SKIC8: variants seen among roughly 807,000 people sequenced by gnomAD.
The protein encoded by SKIC8 is superkiller complex protein 8.
the SKIC8 span, chr15:78,283,680 C>T: frequency 2.9e-5 from 15 of 518,422 alleles, no homozygotes; most frequent in Non-Finnish European, 4.7e-5. Context: ...TTTAACCGAG[C>T]ACCTTCCATT....
the SKIC8 span, chr15:78,285,269 G>A: frequency 6.2e-7 from 1 of 1,613,878 alleles, no homozygotes; most frequent in Non-Finnish European, 8.5e-7. Flanking sequence ...ACCTGATCCT[G>A]GTGATCAAAG....
the SKIC8 span, among the ~76,000 whole-genome samples, chr15:78,294,176 T>C: frequency 1.3e-5 from 2 of 152,224 alleles, no homozygotes; most frequent in Admixed American, 1.3e-4. Context: ...TTGACTGGCA[T>C]GCCCAATTAG....
At chr15:78,288,171 G>C in the SKIC8 span, 1 of 1,012,244 alleles carries the variant, frequency 9.9e-7, no homozygotes, top group Admixed American at 2.5e-5. Flanking sequence ...GGGGAGTCAA[G>C]GTGTCTGATG....
At chr15:78,290,179 A>G in the SKIC8 span, 41 of 1,447,782 alleles carry the variant, frequency 2.8e-5, no homozygotes, top group Non-Finnish European at 3.8e-5. Flanking sequence ...TTACCAAAGG[A>G]TACATCTTTT....
chr15:78,288,788 A>T, the SKIC8 span: 1 of 348,058 alleles, frequency 2.9e-6, no homozygotes, highest in South Asian at 2.2e-5. Flanking sequence ...AATTCACTTG[A>T]TTAGAATTCA....
At chr15:78,286,265 T>A in the SKIC8 span, 1 of 691,086 alleles carries the variant, frequency 1.4e-6, no homozygotes, top group Non-Finnish European at 2.4e-6. Context: ...CCATGAATAC[T>A]ATATCAAAAA....
the SKIC8 span, chr15:78,292,619 G>C: frequency 6.2e-7 from 1 of 1,614,096 alleles, no homozygotes; most frequent in South Asian, 1.1e-5. Flanking sequence ...CTCTTACCAG[G>C]TCCTGCATCT....
At chr15:78,292,479 T>G in the SKIC8 span, 1 of 922,124 alleles carries the variant, frequency 1.1e-6, no homozygotes, top group Admixed American at 2.2e-5. Context: ...GGGTATTATG[T>G]GAAATACAGT....
the SKIC8 span, chr15:78,290,103 A>G: frequency 6.2e-7 from 1 of 1,607,614 alleles, no homozygotes; most frequent in Non-Finnish European, 8.5e-7. Flanking sequence ...GCATCCACTG[A>G]ACAGAAAAAA....
the SKIC8 span, chr15:78,294,422 G>A: frequency 6.3e-6 from 1 of 159,998 alleles, no homozygotes; most frequent in Non-Finnish European, 1.4e-5. Context: ...TACAATCCCA[G>A]CCCACTCTGA....
the SKIC8 span, chr15:78,292,300 T>C: frequency 1.1e-5 from 3 of 284,716 alleles, 1 homozygote; most frequent in South Asian, 7.8e-5. Context: ...CTCTGGAAAC[T>C]ACAAGCTTTT....
At chr15:78,292,845 T>A in the SKIC8 span, 22 of 1,592,708 alleles carry the variant, frequency 1.4e-5, no homozygotes, top group Non-Finnish European at 1.7e-5. Context: ...TTACCTGGCA[T>A]CTGAAATTCT....
At chr15:78,284,541 C>A in the SKIC8 span, 1 of 152,100 alleles carries the variant, frequency 6.6e-6, no homozygotes, top group Non-Finnish European at 1.5e-5. Context: ...TGGTTAGGAC[C>A]AGCAGCCTTG....
At chr15:78,293,777 G>A in the SKIC8 span, among the ~76,000 whole-genome samples, 1 of 152,140 alleles carries the variant, frequency 6.6e-6, no homozygotes, top group Non-Finnish European at 1.5e-5. Context: ...TGGTTAATGG[G>A]CCAATTATTA....
At chr15:78,293,079 G>T in the SKIC8 span, 2 of 1,204,406 alleles carry the variant, frequency 1.7e-6, no homozygotes, top group East Asian at 4.7e-5. Context: ...CTAGAAAAAA[G>T]TATTTCCCGG....
At chr15:78,284,935 G>A in the SKIC8 span, 7 of 282,904 alleles carry the variant, frequency 2.5e-5, no homozygotes, top group African/African-American at 2.1e-5. Context: ...CTGCCATGGC[G>A]CAGCAGCCCC....
chr15:78,292,051 TAAAAC>T, the SKIC8 span: 1 of 148,856 alleles, frequency 6.7e-6, no homozygotes, highest in African/African-American at 2.4e-5. Flanking sequence ...CTACAGTACT[TAAAAC>T]AAAAAAAATT....
the SKIC8 span, chr15:78,293,288 C>T: frequency 6.2e-7 from 1 of 1,610,826 alleles, no homozygotes; most frequent in Non-Finnish European, 8.5e-7. Context: ...ATGGAAAGTG[C>T]TTCATTTATA....
At chr15:78,296,371 A>C in the SKIC8 span, among the ~76,000 whole-genome samples, 42 of 152,164 alleles carry the variant, frequency 2.8e-4, no homozygotes, top group African/African-American at 9.4e-4. Flanking sequence ...GTGCCACTGA[A>C]CTCCAGCCTG....
Sources: allele counts gnomAD v4.1 joint callset (sites outside exome capture counted in the v4.1 genomes callset), GRCh38; gene constraint gnomAD v4.1.1; transcripts MANE v1.5; gene names NCBI Gene and HGNC (gene_info 2026-07-23, HGNC 2026-07-21).